DNAH3: variants seen among roughly 807,000 people sequenced by gnomAD.
DNAH3 encodes the protein dynein axonemal heavy chain 3.
In DNAH3, 332 loss-of-function variants were observed where a neutral mutation model predicts 432.5. The ratio of observed to expected loss-of-function variants is 0.77; its 90% confidence interval spans 0.70 to 0.84. The LOEUF (loss-of-function observed/expected upper bound fraction) is 0.84. Ranked by LOEUF, DNAH3 falls within the 40% of genes least tolerant of loss-of-function variation. The pLI is 0.00. For synonymous variants in DNAH3, 1,956 were observed against 1,900.2 expected (o/e 1.03, Z -0.76); for missense variants, 4,861 against 5,114.0 (o/e 0.95, Z 1.51).
rs533086205 is a variant in DNAH3, at chr16:20,989,101, C to T, written c.6602-1036G>A. Among the ~76,000 whole-genome samples, 5 of 152,320 alleles carry T rather than the reference C, an allele frequency of 3.3e-5. No homozygotes were observed. In the East Asian group the frequency reaches 7.7e-4, roughly 24 times the overall value. On this transcript the variant is annotated intron_variant, in intron 44 of 61. Coordinates refer to ENST00000261383, the Ensembl canonical transcript of DNAH3. ...AAAGCTTCCACAGTGCGGAAAGAGA[C>T]CCGAGCGGGTTACCACTGCTGGCTC...
intron 7 of DNAH3, among the ~76,000 whole-genome samples, chr16:21,131,962 A>G (rs1215122282): frequency 6.6e-6 from 1 of 152,114 alleles, no homozygotes; most frequent in Non-Finnish European, 1.5e-5. Context: ...ATTAATTAGT[A>G]ACAGAACAAG....
rs547588415 is a variant in DNAH3 at position 21,155,746 on chromosome 16, G to A, written c.117+3579C>T. Among the ~76,000 whole-genome samples, 8 of 151,906 alleles carry A rather than the reference G, an allele frequency of 5.3e-5. No individual in the cohort carries two copies. The East Asian group carries it at 5.8e-4, about 11-fold the overall frequency. On this transcript the variant is annotated intron_variant, in intron 1 of 61. Transcript: ENST00000261383. ...TGAAATTCAGATTTAATTGAGTGTC[G>A]TGTGTTTTTATTTGCCAAATCTGCC...
At chr16:20,964,095 C>A in exon 53 of DNAH3, 2 of 1,614,186 alleles carry the variant, frequency 1.2e-6, no homozygotes, top group East Asian at 2.2e-5. Context: ...TGGAGGAGGA[C>A]AGAACTTTGA....
intron 18 of DNAH3, among the ~76,000 whole-genome samples, chr16:21,088,283 T>C (rs1264753274): frequency 6.6e-6 from 1 of 152,152 alleles, no homozygotes; most frequent in Admixed American, 6.6e-5. Flanking sequence ...AACAAGTGAG[T>C]AGCCTGTACT....
In DNAH3 at chr16:21,019,785, AGT is replaced by A. The variant is rs1208040001; in HGVS notation, c.5859_5860del (p.Leu1954ValfsTer22). On this transcript the variant is annotated frameshift_variant, in exon 41 of 62. Transcript: ENST00000261383. LOFTEE classifies it high-confidence loss of function. ...GGTCCACACCAAGGAAAAGAGAAACAGTCCTTGGAGCCAGAGAAAGATCTGTT... is the reference window on the plus strand; with the variant it reads ...GGTCCACACCAAGGAAAAGAGAAACACCTTGGAGCCAGAGAAAGATCTGTT... 6.2e-7 allele frequency: 1 copy of A among 1,614,158 alleles called. No individual in the cohort carries two copies. The highest frequency in any genetic ancestry group is 2.2e-5 in the East Asian group (1 of 44,868).
intron 19 of DNAH3, among the ~76,000 whole-genome samples, chr16:21,085,566 TCAGA>T (rs1434171249): frequency 6.8e-6 from 1 of 147,386 alleles, no homozygotes; most frequent in Non-Finnish European, 1.5e-5. Flanking sequence ...AGAGGTCTAC[TCAGA>T]CAGCCTATCT....
chr16:21,029,659 C>T (rs527989054), intron 37 of DNAH3, among the ~76,000 whole-genome samples: 19 of 152,270 alleles, frequency 1.2e-4, no homozygotes, highest in Non-Finnish European at 2.2e-4. Context: ...CATACTGTGG[C>T]GCCATACTTA....
intron 33 of DNAH3, among the ~76,000 whole-genome samples, chr16:21,038,936 T>C (rs1228321837): frequency 6.6e-6 from 1 of 152,164 alleles, no homozygotes; most frequent in Non-Finnish European, 1.5e-5. Flanking sequence ...CATAAAGACA[T>C]TCATTATAAC....
intron 31 of DNAH3, 40 bp downstream of exon 31, chr16:21,049,529 T>C (rs1186995867): frequency 3.2e-6 from 5 of 1,567,916 alleles, no homozygotes; most frequent in East Asian, 4.5e-5. Flanking sequence ...AGCCCCTCCA[T>C]GCACAGCTTC....
intron 6 of DNAH3, 57 bp downstream of exon 7, chr16:21,136,267 A>T (rs2092641628): frequency 1.3e-6 from 2 of 1,498,774 alleles, no homozygotes; most frequent in Non-Finnish European, 1.8e-6. Context: ...AAAAATAAAA[A>T]AGAAGGTGCC....
intron 28 of DNAH3, among the ~76,000 whole-genome samples, chr16:21,053,956 A>C (rs1260532162): frequency 6.6e-6 from 1 of 152,056 alleles, no homozygotes; most frequent in Non-Finnish European, 1.5e-5. Context: ...AAGCAGACAG[A>C]CATAGGCGAT....
Position 21,022,116 on chromosome 16 carries a change from T to C in DNAH3, c.5647-16A>G, listed in dbSNP as rs894395408. ...TGTCATTGACCTGAGAGTAGAAACC[T>C]CCATGAGACTTGGAGACATGATCAA... On this transcript the variant is annotated splice_polypyrimidine_tract_variant and intron_variant, in intron 39 of 61. Transcript: ENST00000261383. 6.2e-7 allele frequency: 1 copy of C among 1,613,498 alleles called. No individual in the cohort carries two copies.
At chr16:21,082,375 A>C (rs571191532) in intron 19 of DNAH3, among the ~76,000 whole-genome samples, 1 of 151,968 alleles carries the variant, frequency 6.6e-6, no homozygotes, top group Non-Finnish European at 1.5e-5. Context: ...CTTTTTAAAA[A>C]TTTTTTTGTA....
intron 18 of DNAH3, among the ~76,000 whole-genome samples, chr16:21,090,218 G>T (rs879386728): frequency 4.0e-5 from 6 of 151,770 alleles, no homozygotes; most frequent in Non-Finnish European, 8.8e-5. Flanking sequence ...TTCAGAATCA[G>T]ATGGTTTCAC....
chr16:21,147,514 TG>T lies in DNAH3; in HGVS notation c.118-1427del, dbSNP rs377319764. Among the ~76,000 whole-genome samples the T allele has an allele frequency of 3.2e-3, 495 of 152,342 alleles. 2 individuals are homozygous for T. The highest frequency in any genetic ancestry group is 0.017 in the Middle Eastern group (5 of 294). On this transcript the variant is annotated intron_variant, in intron 1 of 61. Coordinates refer to ENST00000261383, the Ensembl canonical transcript of DNAH3. ...TACAGGCATAAGCCACTCCACCAGG[TG>T]GACTCTTGCATTTTCACATGTGCAA...
At chr16:20,937,678 G>T (rs1342753021) in intron 59 of DNAH3, among the ~76,000 whole-genome samples, 2 of 151,462 alleles carry the variant, frequency 1.3e-5, no homozygotes. Context: ...ACAGGCACAT[G>T]CCACTATGCC....
chr16:21,103,290 G>A (rs765249217), intron 16 of DNAH3, among the ~76,000 whole-genome samples: 1 of 134,026 alleles, frequency 7.5e-6, no homozygotes, highest in Non-Finnish European at 1.5e-5. Context: ...AATACCACCT[G>A]TTCCCCCAAA....
exon 58 of DNAH3, chr16:20,944,581 T>A: frequency 6.2e-7 from 1 of 1,614,158 alleles, no homozygotes; most frequent in Non-Finnish European, 8.5e-7. Context: ...CTGGTTGTCT[T>A]TGGTGATGTC....
At chr16:20,991,543 C>A (rs113904222) in intron 44 of DNAH3, among the ~76,000 whole-genome samples, 1 of 152,170 alleles carries the variant, frequency 6.6e-6, no homozygotes, top group East Asian at 1.9e-4. Context: ...GGATTACAGA[C>A]GTGAGCCTCT....
Sources: allele counts gnomAD v4.1 joint callset (sites outside exome capture counted in the v4.1 genomes callset), GRCh38; gene constraint gnomAD v4.1.1; transcripts MANE v1.5; gene names NCBI Gene and HGNC (gene_info 2026-07-23, HGNC 2026-07-21).